Variants in CLVS2 observed in about 807,000 individuals in gnomAD.
CLVS2 encodes clavesin 2, also known as clavesin-2.
CLVS2 carries 19 observed loss-of-function variants against 29.0 expected under a neutral mutation model. The observed-to-expected ratio is 0.66, with a 90% CI of 0.46 to 0.96. The LOEUF (loss-of-function observed/expected upper bound fraction) is 0.96. Among genes scored for constraint, CLVS2 ranks in the 40% least tolerant of loss-of-function variants. CLVS2 has a pLI of 0.00. For synonymous variants in CLVS2, 161 were observed against 151.3 expected, an observed-to-expected ratio of 1.06 and a Z score of -0.47; for missense variants, 294 against 404.1, an observed-to-expected ratio of 0.73 and a Z score of 2.34.
intron 3 of CLVS2, among the ~76,000 whole-genome samples, chr6:123,034,895 G>GA (rs916069335): frequency 2.0e-5 from 3 of 151,422 alleles, no homozygotes; most frequent in African/African-American, 2.4e-5. Context: ...ATTTCAAAAT[G>GA]AAAAAAAATA....
chr6:123,019,799 C>T (rs1434112463), intron 3 of CLVS2, among the ~76,000 whole-genome samples: 1 of 151,968 alleles, frequency 6.6e-6, no homozygotes, highest in African/African-American at 2.4e-5. Context: ...TATGCACTCA[C>T]CAAGCTTGAG....
intron 3 of CLVS2, among the ~76,000 whole-genome samples, chr6:123,021,058 G>GA (rs1339292228): frequency 6.7e-6 from 1 of 149,062 alleles, no homozygotes; most frequent in African/African-American, 2.5e-5. Context: ...GTATGGGGGG[G>GA]GTAAAATTGC....
chr6:123,055,779 C>T (rs754824939), intron 4 of CLVS2, 27 bp from the exon 5 acceptor site: 3 of 1,525,938 alleles, frequency 2.0e-6, no homozygotes, highest in Admixed American at 3.3e-5. Flanking sequence ...GTGTCTTTCC[C>T]TTCCTCCCGT....
At chr6:123,036,949 A>G (rs1488111215) in intron 3 of CLVS2, among the ~76,000 whole-genome samples, 6 of 152,158 alleles carry the variant, frequency 3.9e-5, no homozygotes, top group Non-Finnish European at 7.4e-5. Context: ...CAACTCCATG[A>G]TATTGGTCAA....
rs1772888465 is a variant in CLVS2, at chr6:123,067,928, A to C, written c.*4167A>C. 6.6e-6 allele frequency: 1 copy of C among 151,752 alleles called. No individual in the cohort carries two copies. The highest frequency in any genetic ancestry group is 2.4e-5 in the African/African-American group (1 of 41,402). 9.4% of individuals were successfully genotyped at this position (151,752 alleles called of 1,614,324 possible). A position where few individuals can be genotyped will look rare whatever the true frequency, so the allele number is the denominator to read the frequency against. The stretch of plus-strand genomic sequence containing the variant: ...GGAACTATTTGACATTATTTGCTAC[A>C]TGAAAAAAGGCAAATAAGTAAACAT... On this transcript the variant is annotated 3_prime_UTR_variant, in exon 6 of 6. Transcript: ENST00000275162.
chr6:123,046,291 G>A (rs148488157), intron 3 of CLVS2, among the ~76,000 whole-genome samples: 1 of 152,306 alleles, frequency 6.6e-6, no homozygotes, highest in Non-Finnish European at 1.5e-5. Flanking sequence ...CAAGTTATGT[G>A]TATATGTTTG....
chr6:123,011,560 T>C (rs1444116572), intron 3 of CLVS2, among the ~76,000 whole-genome samples: 2 of 152,026 alleles, frequency 1.3e-5, no homozygotes, highest in African/African-American at 2.4e-5. Context: ...CAGCAATATG[T>C]TCAACTGTTG....
intron 4 of CLVS2, 128 bp from the exon 5 acceptor site, chr6:123,055,678 T>G: frequency 1.5e-6 from 1 of 681,628 alleles, no homozygotes; most frequent in Non-Finnish European, 2.6e-6. Context: ...GATGACTGGC[T>G]AAAGTACTTT....
intron 2 of CLVS2, 40 bp from the exon 3 acceptor site, chr6:123,010,945 G>T (rs199681169): frequency 3.0e-6 from 4 of 1,312,746 alleles, no homozygotes; most frequent in Admixed American, 2.8e-5. Context: ...TTGGAAAAGT[G>T]GTTGTCAGAC....
At chr6:123,045,235 C>A (rs1396788719) in intron 3 of CLVS2, among the ~76,000 whole-genome samples, 1 of 151,776 alleles carries the variant, frequency 6.6e-6, no homozygotes, top group Admixed American at 6.6e-5. Flanking sequence ...TTCAGTACAA[C>A]AAAACAGAAA....
At chr6:123,016,595 A>AT (rs1774838106) in intron 3 of CLVS2, among the ~76,000 whole-genome samples, 1 of 152,022 alleles carries the variant, frequency 6.6e-6, no homozygotes, top group African/African-American at 2.4e-5. Flanking sequence ...TAAGTACATA[A>AT]TGTAGTCAAG....
At position 122,997,919 on chromosome 6, in the gene CLVS2, C is replaced by T. The variant is rs1419990746; in HGVS notation, c.142C>T (p.Arg48Cys). ...VITRPDIGFLRTDDAFILRFL... is the reference protein window; with the variant it reads ...VITRPDIGFLCTDDAFILRFL... ...CACCAGGCCGGACATTGGCTTTCTG[C>T]GCACGGATGATGCCTTCATCTTACG... Residue 48 changes from arginine (R) to cysteine (C), a missense_variant, in exon 2 of 6, where the codon CGC (arginine) becomes TGC (cysteine). This residue lies in a region of CLVS2 where 212 missense variants were observed against 336.4 expected (regional missense o/e 0.63). Transcript: ENST00000275162. 7 of 1,614,098 alleles carry T rather than the reference C, an allele frequency of 4.3e-6. No individual in the cohort carries two copies. Among genetic ancestry groups the T allele is most frequent in the Admixed American group, 3.3e-5 (2 of 60,002 alleles).
Position 123,067,932 on chromosome 6 carries a change from A to C in CLVS2, c.*4171A>C, listed in dbSNP as rs77879551. The stretch of plus-strand genomic sequence containing the variant: ...CTATTTGACATTATTTGCTACATGA[A>C]AAAAGGCAAATAAGTAAACATACAA... On this transcript the variant is annotated 3_prime_UTR_variant, in exon 6 of 6. Coordinates refer to ENST00000275162, the MANE Select transcript of CLVS2 (RefSeq NM_001010852.4). The C allele has an allele frequency of 4.6e-3, 695 of 151,854 alleles. 10 individuals carry two copies. Among genetic ancestry groups the C allele is most frequent in the African/African-American group, 0.016 (672 of 41,508 alleles). 9.4% of individuals were successfully genotyped at this position (151,854 alleles called of 1,614,324 possible). A position where few individuals can be genotyped will look rare whatever the true frequency, so the allele number is the denominator to read the frequency against.
intron 4 of CLVS2, 77 bp from the exon 5 acceptor site, chr6:123,055,729 C>A: frequency 9.7e-7 from 1 of 1,031,710 alleles, no homozygotes; most frequent in East Asian, 2.4e-5. Context: ...GCTATCCTCA[C>A]ATCCCCCCTG....
chr6:123,053,541 G>A (rs1772646610), intron 4 of CLVS2, among the ~76,000 whole-genome samples: 1 of 152,184 alleles, frequency 6.6e-6, no homozygotes, highest in Non-Finnish European at 1.5e-5. Context: ...ATTTAGCAAT[G>A]AGAAGGACCT....
chr6:123,049,701 C>T (rs62422425), intron 4 of CLVS2, among the ~76,000 whole-genome samples: 38,051 of 151,402 alleles, frequency 0.25, 5,687 homozygotes, highest in East Asian at 0.67. Flanking sequence ...TCTCAATGAC[C>T]TAGAAGGCAC....
rs1461642018 is a variant in CLVS2 at position 122,997,232 on chromosome 6, G to A, written c.-546G>A. 1.2e-5 allele frequency: 2 copies of A among 167,524 alleles called. No homozygotes were observed. The highest frequency in any genetic ancestry group is 2.1e-4 in the South Asian group (1 of 4,842). The allele number at this position is 167,524 out of a possible 1,614,324, so 10.4% of individuals were successfully genotyped here. A position where few individuals can be genotyped will look rare whatever the true frequency, so the allele number is the denominator to read the frequency against. On this transcript the variant is annotated 5_prime_UTR_variant, in exon 2 of 6. Transcript: ENST00000275162. ...TTTCTGGCAAAGATGATCTCTCTCCGCCCTGGAGCTCAGCGCTGAAGAGCT... is the reference window on the plus strand; with the variant it reads ...TTTCTGGCAAAGATGATCTCTCTCCACCCTGGAGCTCAGCGCTGAAGAGCT...
At chr6:123,008,766 G>C (rs1774707465) in intron 2 of CLVS2, among the ~76,000 whole-genome samples, 1 of 151,718 alleles carries the variant, frequency 6.6e-6, no homozygotes, top group Admixed American at 6.6e-5. Context: ...GTGTTTATAG[G>C]TTTCAGGTCC....
intron 3 of CLVS2, among the ~76,000 whole-genome samples, chr6:123,032,535 A>G (rs971999648): frequency 9.2e-5 from 14 of 152,146 alleles, no homozygotes; most frequent in African/African-American, 3.1e-4. Context: ...ATGACATTTA[A>G]CAAATATTCC....
Sources: gnomAD v4.1 joint callset for allele counts (sites outside exome capture counted in the v4.1 genomes callset) on GRCh38, gnomAD v4.1.1 for gene constraint, gnomAD v4.1.1 regional missense constraint, MANE v1.5 for transcripts, NCBI Gene and HGNC (gene_info 2026-07-23, HGNC 2026-07-21) for gene names.